Variants in TXLNB observed in about 807,000 individuals in gnomAD.
The protein encoded by TXLNB is taxilin beta.
Under a neutral mutation model 57.4 loss-of-function variants are expected in TXLNB, and 37 were observed. That is an observed-to-expected ratio of 0.64 (90% CI 0.50 to 0.85). The LOEUF is 0.85. TXLNB is among the 40% of genes least tolerant of loss of function. The pLI is 0.00. For missense variants in TXLNB, 848 were observed against 825.6 expected (o/e 1.03, Z -0.33); for synonymous variants, 302 against 309.6 (o/e 0.98, Z 0.26).
chr6:139,226,830 C>T, the TXLNB span, among the ~76,000 whole-genome samples: 1 of 151,902 alleles, frequency 6.6e-6, no homozygotes, highest in Admixed American at 6.6e-5. Context: ...AGTTCAAGAC[C>T]AGCCTGAGCA....
chr6:139,301,241 T>C, the TXLNB span, among the ~76,000 whole-genome samples: 1 of 152,180 alleles, frequency 6.6e-6, no homozygotes, highest in African/African-American at 2.4e-5. Context: ...CTTTCTCATA[T>C]ATACCCAAGA....
chr6:139,188,718 G>A, the TXLNB span, among the ~76,000 whole-genome samples: 1 of 152,074 alleles, frequency 6.6e-6, no homozygotes, highest in East Asian at 1.9e-4. Context: ...TTGAAAAATT[G>A]TGTTGGAATC....
downstream of TXLNB, chr6:139,239,291 C>T (rs149973412): frequency 6.6e-5 from 10 of 152,308 alleles, no homozygotes; most frequent in East Asian, 3.9e-4. This position sits in a 1 kb window ranked among gnomAD's most constrained non-coding sequence, Gnocchi z 4.7. Flanking sequence ...GCACCTTCTA[C>T]GCTTCCTCCC....
chr6:139,236,220 T>G (rs1775834880), downstream of TXLNB, among the ~76,000 whole-genome samples: 1 of 152,152 alleles, frequency 6.6e-6, no homozygotes, highest in South Asian at 2.1e-4. Flanking sequence ...CTAACTGAGC[T>G]GATTAATGCA....
the TXLNB span, among the ~76,000 whole-genome samples, chr6:139,211,809 G>A: frequency 8.5e-5 from 13 of 152,102 alleles, no homozygotes; most frequent in African/African-American, 2.4e-4. Flanking sequence ...TGAAAACCAC[G>A]GCACAAGAAC....
At chr6:139,164,681 G>T in the TXLNB span, among the ~76,000 whole-genome samples, 8 of 152,252 alleles carry the variant, frequency 5.3e-5, no homozygotes, top group Admixed American at 3.9e-4. Flanking sequence ...GTGATGAATT[G>T]TATTGAAAAT....
In TXLNB at chr6:139,243,219, G is replaced by C; in HGVS notation, c.1362C>G (p.Leu454=). ...CRALQEERNE[L]HKKIRDAEIS... is the part of the protein sequence containing the mutation. Reference sequence around the variant, plus strand: ...TTTCTGCGTCTCTGATTTTTTTGTGGAGTTCGTTTCTCTCTTCTTGTAAAG... The same window carrying C: ...TTTCTGCGTCTCTGATTTTTTTGTGCAGTTCGTTTCTCTCTTCTTGTAAAG... The change falls in exon 10 of 10, where the codon CTC becomes CTG. Residue 454 remains leucine (L), a synonymous_variant. Transcript: ENST00000358430. The C allele has an allele frequency of 6.2e-7, 1 of 1,614,028 alleles. No individual in the cohort carries two copies. The highest frequency in any genetic ancestry group is 8.5e-7 in the Non-Finnish European group (1 of 1,180,002).
the TXLNB span, among the ~76,000 whole-genome samples, chr6:139,171,432 G>A: frequency 6.6e-6 from 1 of 152,220 alleles, no homozygotes; most frequent in Non-Finnish European, 1.5e-5. Flanking sequence ...AACGTTTGAT[G>A]TAAAACCTGA....
chr6:139,217,929 T>C, the TXLNB span, among the ~76,000 whole-genome samples: 2 of 150,776 alleles, frequency 1.3e-5, no homozygotes, highest in Admixed American at 1.3e-4. Flanking sequence ...TTGCAATCAG[T>C]CTTAAAGCTA....
chr6:139,250,313 T>C (rs1432218662), intron 7 of TXLNB, among the ~76,000 whole-genome samples: 1 of 151,540 alleles, frequency 6.6e-6, no homozygotes, highest in Non-Finnish European at 1.5e-5. Context: ...CAATGCACTC[T>C]GACATATTCT....
the TXLNB span, among the ~76,000 whole-genome samples, chr6:139,186,958 TTAA>T: frequency 4.6e-5 from 7 of 152,148 alleles, no homozygotes; most frequent in African/African-American, 1.7e-4. Context: ...TGGAGGAATA[TTAA>T]TGAGAAGAGA....
chr6:139,265,424 GTA>G (rs1042613714), intron 4 of TXLNB, among the ~76,000 whole-genome samples: 9 of 150,784 alleles, frequency 6.0e-5, no homozygotes, highest in Non-Finnish European at 1.2e-4. Context: ...TTGTGAGGTT[GTA>G]TGTGTGTGTG....
chr6:139,303,931 G>T, the TXLNB span, among the ~76,000 whole-genome samples: 644 of 149,620 alleles, frequency 4.3e-3, 2 homozygotes, highest in African/African-American at 0.015. Flanking sequence ...GTTTGGCCCA[G>T]AAATGTGCAA....
At chr6:139,255,123 C>A (rs1006138272) in intron 7 of TXLNB, among the ~76,000 whole-genome samples, 1 of 152,140 alleles carries the variant, frequency 6.6e-6, no homozygotes, top group African/African-American at 2.4e-5. Context: ...CGCCCGGCCT[C>A]ATTTTCTTTT....
chr6:139,161,043 G>T, the TXLNB span, among the ~76,000 whole-genome samples: 2 of 151,868 alleles, frequency 1.3e-5, no homozygotes. Context: ...GTGTGTGTGT[G>T]GTGTGTGTGT....
chr6:139,286,548 G>A (rs1223566700), intron 2 of TXLNB, among the ~76,000 whole-genome samples: 3 of 152,142 alleles, frequency 2.0e-5, no homozygotes, highest in African/African-American at 7.2e-5. Flanking sequence ...AGTGGCTCAC[G>A]TCTGCAATCC....
At chr6:139,311,986 C>T in the TXLNB span, among the ~76,000 whole-genome samples, 1 of 152,154 alleles carries the variant, frequency 6.6e-6, no homozygotes, top group African/African-American at 2.4e-5. Flanking sequence ...ACCCTCATGA[C>T]CTAATCACTT....
chr6:139,261,805 T>A (rs1343606029), intron 5 of TXLNB, among the ~76,000 whole-genome samples: 1 of 151,674 alleles, frequency 6.6e-6, no homozygotes, highest in Non-Finnish European at 1.5e-5. Flanking sequence ...CATTGCCTGA[T>A]ACAAACTAAC....
At chr6:139,317,642 C>T in the TXLNB span, among the ~76,000 whole-genome samples, 17 of 151,990 alleles carry the variant, frequency 1.1e-4, no homozygotes, top group Admixed American at 2.0e-4. Context: ...CTTCCCGCCT[C>T]GGCCTCCCAA....
Sources: gnomAD v4.1 joint callset for allele counts (sites outside exome capture counted in the v4.1 genomes callset) on GRCh38, gnomAD v4.1.1 for gene constraint, Gnocchi (gnomAD v3.1) non-coding constraint, MANE v1.5 for transcripts, NCBI Gene and HGNC (gene_info 2026-07-23, HGNC 2026-07-21) for gene names.